Variants in BOP1 observed in about 807,000 individuals in gnomAD.
The protein encoded by BOP1 is BOP1 ribosomal biogenesis factor, also known as ribosome biogenesis protein BOP1.
BOP1 carries 54 observed loss-of-function variants against 82.9 expected under a neutral mutation model. The ratio of observed to expected loss-of-function variants is 0.65; its 90% CI spans 0.52 to 0.82. BOP1 has a LOEUF of 0.82. BOP1 is among the 40% of genes least tolerant of loss of function. The probability of loss-of-function intolerance (pLI) is 0.00; values close to 1 mark genes in which losing one functional copy is unlikely to be tolerated. For synonymous variants in BOP1, 566 were observed against 451.1 expected (o/e 1.25, Z -3.23); for missense variants, 1,170 against 1,072.0 (o/e 1.09, Z -1.28).
intron 2 of BOP1, among the ~76,000 whole-genome samples, chr8:144,278,776 G>A (rs1434992423): frequency 6.6e-6 from 1 of 152,200 alleles, no homozygotes; most frequent in African/African-American, 2.4e-5. Context: ...CTAGCCGCAG[G>A]GTGCCCAGCA....
At position 144,264,511 on chromosome 8, in the gene BOP1, C is replaced by A. The variant is rs1373231304; in HGVS notation, c.765+4G>T. The A allele has an allele frequency of 3.0e-5, 49 of 1,609,314 alleles. No individual in the cohort carries two copies. The highest frequency in any genetic ancestry group is 3.7e-5 in the Non-Finnish European group (44 of 1,178,862). On this transcript the variant is annotated splice_donor_region_variant and intron_variant, in intron 6 of 15. Coordinates refer to ENST00000569669, the MANE Select transcript of BOP1 (RefSeq NM_015201.5). ...GGCCAAGCCCCAGGGGCTGTGTGCCCCACCTTCTCCTTCTCCACCAGGGAG... is the reference window on the plus strand; with the variant it reads ...GGCCAAGCCCCAGGGGCTGTGTGCCACACCTTCTCCTTCTCCACCAGGGAG...
At chr8:144,275,473 G>GAACCC (rs1845555450) in intron 3 of BOP1, among the ~76,000 whole-genome samples, 1 of 55,266 alleles carries the variant, frequency 1.8e-5, no homozygotes, top group East Asian at 3.1e-4. Context: ...CACGCTGGCG[G>GAACCC]AGCCCAGCCC....
rs1554836899 is a variant in BOP1 at position 144,263,811 on chromosome 8, G to A, written c.1221+20C>T. ...GTCAGACTGGGAGGGTGCAACCCCAGCCCCCTAGTCTCCACTTACCAGGGC... is the reference window on the plus strand; with the variant it reads ...GTCAGACTGGGAGGGTGCAACCCCAACCCCCTAGTCTCCACTTACCAGGGC... On this transcript the variant is annotated intron_variant, in intron 9 of 15. Coordinates refer to ENST00000569669, the MANE Select transcript of BOP1 (RefSeq NM_015201.5). The A allele has an allele frequency of 5.2e-5, 84 of 1,609,600 alleles. No homozygotes were observed. The South Asian group carries it at 8.6e-4, about 17-fold the overall frequency.
rs1187503156 is a variant in BOP1, at chr8:144,268,165, A to C, written c.391-3094T>G. 6.4e-4 allele frequency: 988 copies of C among 1,550,422 alleles called. 2 individuals are homozygous for C. The highest frequency in any genetic ancestry group is 4.1e-3 in the Middle Eastern group (22 of 5,372). The stretch of plus-strand genomic sequence containing the variant: ...TAGGAGGTGGCCGGCAGCAGCCAGG[A>C]GGCAGACGCTGCTGGGGGAGGTGGA... On this transcript the variant is annotated intron_variant, in intron 3 of 15. Coordinates refer to ENST00000569669, the MANE Select transcript of BOP1 (RefSeq NM_015201.5).
At chr8:144,287,166 C>T (rs201591415) in intron 2 of BOP1, among the ~76,000 whole-genome samples, 20 of 152,258 alleles carry the variant, frequency 1.3e-4, no homozygotes, top group East Asian at 5.8e-4. Flanking sequence ...CGCGCCACCA[C>T]GCCCAGCTAA....
intron 2 of BOP1, among the ~76,000 whole-genome samples, chr8:144,288,405 G>A (rs1434737737): frequency 1.3e-5 from 2 of 151,836 alleles, no homozygotes; most frequent in Non-Finnish European, 2.9e-5. Context: ...GCATGTACCT[G>A]TAATCCCAGC....
intron 3 of BOP1, among the ~76,000 whole-genome samples, chr8:144,266,344 AGGGACGCGGC>A (rs1410897705): frequency 6.7e-6 from 1 of 148,692 alleles, no homozygotes; most frequent in African/African-American, 2.5e-5. Context: ...CAGAAGGCCG[AGGGACGCGGC>A]GGGCGCTGCT....
intron 1 of BOP1, among the ~76,000 whole-genome samples, chr8:144,290,521 A>G (rs1481568726): frequency 1.3e-5 from 2 of 152,206 alleles, no homozygotes; most frequent in African/African-American, 2.4e-5. Flanking sequence ...CAGAGTCATG[A>G]TGTGTCTTGG....
At position 144,262,601 on chromosome 8, in the gene BOP1, A is replaced by T; in HGVS notation, c.1966T>A (p.Tyr656Asn). The change falls in exon 14 of 16, where the codon TAC becomes AAC. Residue 656 changes from tyrosine (Y) to asparagine (N), a missense_variant. Transcript: ENST00000569669. Reference protein sequence around the residue: ...WFDLDLSTKPYRMLRHHKKAL... With the variant: ...WFDLDLSTKPNRMLRHHKKAL... The stretch of plus-strand genomic sequence containing the variant: ...AGCTTTCCTCACCTCAGCATCCTGT[A>T]TGGCTTGGTGGAAAGATCCAGGTCA... The T allele has an allele frequency of 6.2e-7, 1 of 1,613,360 alleles. No homozygotes were observed. The highest frequency in any genetic ancestry group is 8.5e-7 in the Non-Finnish European group (1 of 1,179,792).
At chr8:144,284,271 C>T (rs1814804018) in intron 2 of BOP1, among the ~76,000 whole-genome samples, 1 of 152,164 alleles carries the variant, frequency 6.6e-6, no homozygotes, top group South Asian at 2.1e-4. Context: ...GCCCTCCAGC[C>T]TGAGTGACAG....
At chr8:144,266,413 C>G (rs1379090693) in intron 3 of BOP1, 1 of 760,224 alleles carries the variant, frequency 1.3e-6, no homozygotes, top group Non-Finnish European at 1.6e-6. Context: ...GGGGAGGGGC[C>G]GGGACGCCGC....
intron 8 of BOP1, 34 bp from the exon 9 acceptor site, chr8:144,263,945 C>T: frequency 6.2e-7 from 1 of 1,611,310 alleles, no homozygotes. Flanking sequence ...AGCCTTGCCC[C>T]CTGTGCCACC....
At chr8:144,278,697 C>G (rs1401912705) in intron 2 of BOP1, among the ~76,000 whole-genome samples, 1 of 152,202 alleles carries the variant, frequency 6.6e-6, no homozygotes, top group Non-Finnish European at 1.5e-5. Flanking sequence ...CAAGACAACC[C>G]AGCGCTGCAC....
chr8:144,288,280 A>G lies in BOP1; in HGVS notation c.309+815T>C, dbSNP rs1318831167. Among the ~76,000 whole-genome samples the G allele has an allele frequency of 2.7e-5, 4 of 149,540 alleles. No individual in the cohort carries two copies. In the East Asian group the frequency reaches 7.9e-4, roughly 29 times the overall value. On this transcript the variant is annotated intron_variant, in intron 2 of 15. Coordinates refer to ENST00000569669, the MANE Select transcript of BOP1 (RefSeq NM_015201.5). ...GCAAGACTCTGTCTTAGAAAAAAAAAAAAAAAATAGGCCGGGCGTGGTGGC... is the reference window on the plus strand; with the variant it reads ...GCAAGACTCTGTCTTAGAAAAAAAAGAAAAAAATAGGCCGGGCGTGGTGGC...
At chr8:144,283,302 G>C (rs1554839141) in intron 2 of BOP1, among the ~76,000 whole-genome samples, 1 of 151,804 alleles carries the variant, frequency 6.6e-6, no homozygotes, top group Non-Finnish European at 1.5e-5. Context: ...AACAGCAAAG[G>C]GCTCCTGGCC....
intron 2 of BOP1, among the ~76,000 whole-genome samples, chr8:144,283,222 A>AG (rs1321475423): frequency 6.7e-6 from 1 of 149,670 alleles, no homozygotes; most frequent in Non-Finnish European, 1.5e-5. Flanking sequence ...AAAAAAAAAA[A>AG]AAAGAAAGGC....
In BOP1 at chr8:144,263,120, G is replaced by A; in HGVS notation, c.1627C>T (p.His543Tyr). 3 of 1,593,780 alleles carry A rather than the reference G, an allele frequency of 1.9e-6. No homozygotes were observed. Among genetic ancestry groups the A allele is most frequent in the Non-Finnish European group, 2.5e-6 (3 of 1,178,828 alleles). The change falls in exon 13 of 16, where the codon CAC becomes TAC. Residue 543 changes from histidine (H) to tyrosine (Y), a missense_variant. By Grantham distance (83) the His-to-Tyr change is moderately conservative. Coordinates refer to ENST00000569669, the MANE Select transcript of BOP1 (RefSeq NM_015201.5). ...HGKPVTQVTW[H>Y]GRGDYLAVVL... ...ACGGCCAGGTAGTCCCCACGCCCGTGCCAGGTCACCTGCGTCACTGGCTGC... is the reference window on the plus strand; with the variant it reads ...ACGGCCAGGTAGTCCCCACGCCCGTACCAGGTCACCTGCGTCACTGGCTGC...
intron 3 of BOP1, among the ~76,000 whole-genome samples, chr8:144,272,405 C>T (rs1588596509): frequency 6.6e-6 from 1 of 152,158 alleles, no homozygotes; most frequent in African/African-American, 2.4e-5. Context: ...TTGGGACGTA[C>T]ACCCAGACCC....
At chr8:144,268,178 T>C in intron 3 of BOP1, 1 of 1,548,922 alleles carries the variant, frequency 6.5e-7, no homozygotes, top group Non-Finnish European at 8.7e-7. Context: ...CAGACGCTGC[T>C]GGGGGAGGTG....
Sources: allele counts gnomAD v4.1 joint callset (sites outside exome capture counted in the v4.1 genomes callset), GRCh38; gene constraint gnomAD v4.1.1; transcripts MANE v1.5; gene names NCBI Gene and HGNC (gene_info 2026-07-23, HGNC 2026-07-21).